CNBD1: variants seen among roughly 807,000 people sequenced by gnomAD.
CNBD1 encodes the protein cyclic nucleotide binding domain containing 1.
A neutral mutation model predicts 54.4 loss-of-function variants in CNBD1; 71 were observed. That is an observed-to-expected ratio of 1.30 (90% CI 1.08 to 1.59). The LOEUF is 1.59. Ranked by LOEUF, CNBD1 falls within the 40% of genes most tolerant of loss-of-function variation. The pLI is 0.00. For missense variants in CNBD1, 659 were observed against 518.0 expected (o/e 1.27, Z -2.64); for synonymous variants, 182 against 170.7 (o/e 1.07, Z -0.51).
intron 4 of CNBD1, among the ~76,000 whole-genome samples, chr8:86,976,320 A>C (rs985142167): frequency 2.7e-5 from 4 of 150,934 alleles, no homozygotes; most frequent in Non-Finnish European, 5.9e-5. Flanking sequence ...AATGTCACGG[A>C]GCTTTCCCCT....
At position 87,206,047 on chromosome 8, in the gene CNBD1, A is replaced by C; in HGVS notation, c.486A>C (p.Thr162=). 1 of 1,604,520 alleles carries C rather than the reference A, an allele frequency of 6.2e-7. No homozygotes were observed. Among genetic ancestry groups the C allele is most frequent in the Non-Finnish European group, 8.5e-7 (1 of 1,175,508 alleles). The part of the protein sequence containing the change: ...EHKTVWKFLK[T]IPDLTFQLND... ...AAACTGTGTGGAAGTTCCTGAAAAC[A>C]ATTCCAGATTTAACCTTTCAGCTAA... The change falls in exon 5 of 11, where the codon ACA becomes ACC. Residue 162 remains threonine (T), a synonymous_variant. Coordinates refer to ENST00000518476, the MANE Select transcript of CNBD1 (RefSeq NM_173538.3).
chr8:87,318,775 C>T (rs951302806), intron 8 of CNBD1, among the ~76,000 whole-genome samples: 1 of 152,016 alleles, frequency 6.6e-6, no homozygotes. Flanking sequence ...TATATTGTAT[C>T]AGGCTGACCA....
chr8:87,316,536 G>A (rs1356605258), intron 8 of CNBD1, among the ~76,000 whole-genome samples: 3 of 152,092 alleles, frequency 2.0e-5, no homozygotes, highest in East Asian at 1.9e-4. Flanking sequence ...CTAAAACAGT[G>A]TGTGTCTAAA....
intron 4 of CNBD1, among the ~76,000 whole-genome samples, chr8:87,082,396 T>C (rs1421393336): frequency 6.6e-6 from 1 of 152,210 alleles, no homozygotes; most frequent in Non-Finnish European, 1.5e-5. Context: ...AACAGCCTTG[T>C]TGCTCACACA....
At chr8:86,946,183 G>A (rs899926603) in intron 4 of CNBD1, among the ~76,000 whole-genome samples, 17 of 152,066 alleles carry the variant, frequency 1.1e-4, no homozygotes, top group Non-Finnish European at 8.8e-5. Context: ...AATTATAAAG[G>A]GGTTCCTTGT....
chr8:87,411,638 CAT>C (rs751937329), intron 2 of CNBD1, among the ~76,000 whole-genome samples: 5 of 146,450 alleles, frequency 3.4e-5, no homozygotes, highest in South Asian at 2.1e-4. Context: ...TGGCATAAGA[CAT>C]GTGTTGGGCT....
chr8:87,346,805 A>G (rs1299748298), intron 8 of CNBD1, among the ~76,000 whole-genome samples: 3 of 152,162 alleles, frequency 2.0e-5, no homozygotes, highest in African/African-American at 7.2e-5. Flanking sequence ...ATTTTCCTTT[A>G]TTCCAAGCAT....
intron 4 of CNBD1, among the ~76,000 whole-genome samples, chr8:86,944,275 G>C (rs897301748): frequency 6.6e-6 from 1 of 152,208 alleles, no homozygotes; most frequent in Admixed American, 6.5e-5. Flanking sequence ...ATACACTTTT[G>C]AACTCCTCTA....
At chr8:86,993,798 T>C (rs1034054383) in intron 4 of CNBD1, among the ~76,000 whole-genome samples, 12 of 152,216 alleles carry the variant, frequency 7.9e-5, no homozygotes, top group Admixed American at 6.5e-5. Flanking sequence ...AGATAGGCTG[T>C]TATTCAGCCA....
chr8:86,904,101 GA>G (rs1331778899), intron 2 of CNBD1, among the ~76,000 whole-genome samples: 6 of 151,908 alleles, frequency 3.9e-5, no homozygotes, highest in Non-Finnish European at 7.4e-5. Context: ...CATTATCCAA[GA>G]GAAGAAAAAG....
chr8:86,923,509 A>T (rs1350001626), intron 3 of CNBD1, among the ~76,000 whole-genome samples: 1 of 151,802 alleles, frequency 6.6e-6, no homozygotes, highest in Non-Finnish European at 1.5e-5. Context: ...CTGCCCCTAG[A>T]CCCAGGTGTT....
intron 4 of CNBD1, among the ~76,000 whole-genome samples, chr8:87,070,567 T>A (rs1810740443): frequency 6.6e-6 from 1 of 152,102 alleles, no homozygotes. Context: ...TGAGGGAAAT[T>A]GTGAGAAAAA....
At chr8:87,179,028 C>T (rs1326605660) in intron 4 of CNBD1, among the ~76,000 whole-genome samples, 1 of 152,136 alleles carries the variant, frequency 6.6e-6, no homozygotes, top group Non-Finnish European at 1.5e-5. Context: ...CTGCCTCAGC[C>T]TCCCAAGTAG....
chr8:87,035,451 A>G (rs184939059), intron 4 of CNBD1, among the ~76,000 whole-genome samples: 56 of 152,356 alleles, frequency 3.7e-4, no homozygotes, highest in African/African-American at 1.2e-3. Context: ...TTTAAATAAC[A>G]AACTTTCTTA....
In CNBD1 at chr8:86,880,340, T is replaced by TAAAA. The variant is rs144555916; in HGVS notation, c.89-7196_89-7193dup. 2.7e-3 allele frequency among the ~76,000 whole-genome samples: 408 copies of TAAAA among 150,282 alleles called. 3 individuals carry two copies. The highest frequency in any genetic ancestry group is 9.3e-3 in the African/African-American group (379 of 40,836). ...TTGGGATCGAACATATTAGAAAAAA[T>TAAAA]AAAAAAAAACGTAATACTACAATAA... On this transcript the variant is annotated intron_variant, in intron 1 of 10. Transcript: ENST00000518476.
chr8:86,932,674 A>G (rs889430392), intron 3 of CNBD1, among the ~76,000 whole-genome samples: 2 of 152,022 alleles, frequency 1.3e-5, no homozygotes, highest in African/African-American at 4.8e-5. Flanking sequence ...CAGAGAGAGA[A>G]TATTGGGGCC....
intron 2 of CNBD1, among the ~76,000 whole-genome samples, chr8:86,889,951 T>C (rs1402466706): frequency 2.0e-5 from 3 of 152,080 alleles, no homozygotes; most frequent in African/African-American, 7.2e-5. Flanking sequence ...AACTATTGTC[T>C]GGAGAGCGGA....
At chr8:87,372,506 G>A (rs1447123273) in intron 10 of CNBD1, among the ~76,000 whole-genome samples, 1 of 151,944 alleles carries the variant, frequency 6.6e-6, no homozygotes, top group Non-Finnish European at 1.5e-5. Flanking sequence ...ACTCTGGGTT[G>A]ATTTTCTGTT....
chr8:87,386,977 C>G (rs1055499879), downstream of CNBD1, among the ~76,000 whole-genome samples: 25 of 152,164 alleles, frequency 1.6e-4, no homozygotes, highest in African/African-American at 5.8e-4. Context: ...AAAGAATTTT[C>G]AACCCAGTAT....
Sources: gnomAD v4.1 joint callset for allele counts (sites outside exome capture counted in the v4.1 genomes callset) on GRCh38, gnomAD v4.1.1 for gene constraint, MANE v1.5 for transcripts, NCBI Gene and HGNC (gene_info 2026-07-23, HGNC 2026-07-21) for gene names.